Variants in MDFIC observed in about 807,000 individuals in gnomAD.
MDFIC encodes myoD family inhibitor domain-containing protein.
A neutral mutation model predicts 23.2 loss-of-function variants in MDFIC; 17 were observed. The ratio of observed to expected loss-of-function variants is 0.73; its 90% CI spans 0.50 to 1.10. MDFIC has a LOEUF of 1.10. MDFIC is among the 50% of genes least tolerant of loss of function. The pLI, the probability that MDFIC is intolerant of heterozygous loss-of-function variation, is 0.00. For missense variants in MDFIC, 356 were observed against 316.6 expected, an observed-to-expected ratio of 1.12 and a Z score of -0.95; for synonymous variants, 120 against 115.2, an observed-to-expected ratio of 1.04 and a Z score of -0.27.
chr7:114,960,291 A>G (rs1450945212), intron 3 of MDFIC, among the ~76,000 whole-genome samples: 1 of 152,234 alleles, frequency 6.6e-6, no homozygotes, highest in African/African-American at 2.4e-5. Context: ...GAAGAAGTAC[A>G]GGGCCATTGT....
intron 4 of MDFIC, among the ~76,000 whole-genome samples, chr7:115,013,740 CAACTG>C (rs1188918892): frequency 1.3e-5 from 2 of 152,112 alleles, no homozygotes; most frequent in African/African-American, 4.8e-5. Context: ...TGGAAAAACT[CAACTG>C]AAGAGAGTCA....
chr7:114,935,786 G>GA (rs776073198), intron 2 of MDFIC, among the ~76,000 whole-genome samples: 5 of 151,098 alleles, frequency 3.3e-5, no homozygotes, highest in Non-Finnish European at 7.4e-5. Flanking sequence ...TGTCTATAAG[G>GA]AAAAAAAATA....
intron 2 of MDFIC, among the ~76,000 whole-genome samples, chr7:114,927,801 C>T (rs1792225424): frequency 6.6e-6 from 1 of 152,012 alleles, no homozygotes; most frequent in African/African-American, 2.4e-5. Flanking sequence ...ATTTAGTTCC[C>T]TAATAAAAGT....
Position 115,018,169 on chromosome 7 carries a change from C to T in MDFIC, c.*2234C>T, listed in dbSNP as rs1214946245. On this transcript the variant is annotated 3_prime_UTR_variant, in exon 5 of 5. Coordinates refer to ENST00000393486, the MANE Select transcript of MDFIC (RefSeq NM_001166345.3). ...CATAAAATATAAGGAAATCTTTATACTATTTTACAGTAACCACAATCTAAA... is the reference window on the plus strand; with the variant it reads ...CATAAAATATAAGGAAATCTTTATATTATTTTACAGTAACCACAATCTAAA... 1 of 151,924 alleles carries T rather than the reference C, an allele frequency of 6.6e-6. No homozygotes were observed. Among genetic ancestry groups the T allele is most frequent in the East Asian group, 1.9e-4 (1 of 5,202 alleles). The allele number at this position is 151,924 out of a possible 1,614,324, so 9.4% of individuals were successfully genotyped here.
In MDFIC at chr7:115,019,867, C is replaced by G. The variant is rs887854812; in HGVS notation, c.*3932C>G. On this transcript the variant is annotated 3_prime_UTR_variant, in exon 5 of 5. Transcript: ENST00000393486. The stretch of plus-strand genomic sequence containing the variant: ...AAGCATTGGGTATTAAAAGAGAATC[C>G]TTTCAACCCTTCATCTTCGTATGCT... Among the ~76,000 whole-genome samples, 2 of 152,020 alleles carry G rather than the reference C, an allele frequency of 1.3e-5. No homozygotes were observed. The highest frequency in any genetic ancestry group is 2.9e-5 in the Non-Finnish European group (2 of 67,988).
intron 3 of MDFIC, among the ~76,000 whole-genome samples, chr7:114,966,516 A>G (rs1563144308): frequency 2.0e-5 from 3 of 152,190 alleles, no homozygotes; most frequent in Non-Finnish European, 4.4e-5. Flanking sequence ...TTGAAGCACC[A>G]ACCTGCACTT....
intron 4 of MDFIC, among the ~76,000 whole-genome samples, chr7:115,002,765 T>TCACTGCCCATCTTTTCATA (rs1001103002): frequency 6.6e-6 from 1 of 152,168 alleles, no homozygotes; most frequent in African/African-American, 2.4e-5. Context: ...ACACACCCCA[T>TCACTGCCCATCTTTTCATA]CACTGCCCAT....
intron 4 of MDFIC, among the ~76,000 whole-genome samples, chr7:115,010,551 T>C (rs1245590921): frequency 6.6e-6 from 1 of 152,202 alleles, no homozygotes; most frequent in East Asian, 1.9e-4. Flanking sequence ...TGTAGATACA[T>C]GTTGTTTAAT....
chr7:115,016,853 T>C lies in MDFIC; in HGVS notation c.*918T>C, dbSNP rs1791807575. 1 of 152,164 alleles carries C rather than the reference T, an allele frequency of 6.6e-6. No individual in the cohort carries two copies. The highest frequency in any genetic ancestry group is 1.5e-5 in the Non-Finnish European group (1 of 68,072). 9.4% of individuals were successfully genotyped at this position (152,164 alleles called of 1,614,324 possible). ...ACTGTGGGGACAGATACAATTCCAC[T>C]CCTGTCCACAGGAACATGAGATTTA... On this transcript the variant is annotated 3_prime_UTR_variant, in exon 5 of 5. Transcript: ENST00000393486.
At chr7:114,979,313 C>T (rs1468358254) in intron 3 of MDFIC, among the ~76,000 whole-genome samples, 193 bp from the exon 4 acceptor site, 1 of 152,114 alleles carries the variant, frequency 6.6e-6, no homozygotes, top group Non-Finnish European at 1.5e-5. Context: ...TGACCCCGTT[C>T]CCATTTTCCA....
chr7:114,952,051 C>T (rs1016692714), intron 3 of MDFIC, among the ~76,000 whole-genome samples: 1 of 152,192 alleles, frequency 6.6e-6, no homozygotes, highest in Non-Finnish European at 1.5e-5. Flanking sequence ...TGGCTGCAAG[C>T]ATTGAAGGAG....
rs1455958587 is a variant in MDFIC at position 114,922,325 on chromosome 7, A to C, written c.-419A>C. On this transcript the variant is annotated 5_prime_UTR_variant, in exon 1 of 5. It removes the in-frame stop codon of an upstream open reading frame in the 5' UTR. Transcript: ENST00000393486. ...AGAGGGAGAAGTGTTTCAGGATTGT[A>C]GGAGTGGAAGAGGGGAAAGAGAGGC... 2 of 998,716 alleles carry C rather than the reference A, an allele frequency of 2.0e-6. No individual in the cohort carries two copies. Among genetic ancestry groups the C allele is most frequent in the Non-Finnish European group, 2.6e-6 (2 of 775,584 alleles). The allele number at this position is 998,716 out of a possible 1,614,324, so 61.9% of individuals were successfully genotyped here.
In MDFIC at chr7:114,922,838, G is replaced by A. The variant is rs886846823; in HGVS notation, c.-107-89G>A. ...TCCCCGGGGTGGAGTTTGAGGGAGG[G>A]AAGTGGAGGGGGAGGGAACGTCCCG... On this transcript the variant is annotated intron_variant, in intron 1 of 4. Coordinates refer to ENST00000393486, the MANE Select transcript of MDFIC (RefSeq NM_001166345.3). 4.2e-5 allele frequency: 60 copies of A among 1,426,328 alleles called. 1 individual carries two copies. The East Asian group carries it at 1.3e-3, about 30-fold the overall frequency. The allele number at this position is 1,426,328 out of a possible 1,614,324, so 88.4% of individuals were successfully genotyped here.
At chr7:115,006,011 T>C (rs1030724772) in intron 4 of MDFIC, among the ~76,000 whole-genome samples, 1 of 152,214 alleles carries the variant, frequency 6.6e-6, no homozygotes, top group Non-Finnish European at 1.5e-5. Flanking sequence ...GCCTGGCCTG[T>C]TAGACCGCTG....
chr7:114,930,377 C>CT (rs1183508347), intron 2 of MDFIC, among the ~76,000 whole-genome samples: 19 of 152,158 alleles, frequency 1.2e-4, no homozygotes, highest in Non-Finnish European at 2.5e-4. Context: ...GTTAACCGGT[C>CT]TTGTATTCCA....
rs1360950680 is a variant in MDFIC, at chr7:114,991,006, A to G, written c.493+11225A>G. 2.6e-5 allele frequency among the ~76,000 whole-genome samples: 4 copies of G among 151,484 alleles called. No individual in the cohort carries two copies. The South Asian group carries it at 8.4e-4, about 32-fold the overall frequency. ...CCTATTTCTCCACATCCTCTCTAGC[A>G]CCTGTTGTTTCCTGACTTTTTAATG... is the stretch of plus-strand genomic sequence containing the variant. On this transcript the variant is annotated intron_variant, in intron 4 of 4. Coordinates refer to ENST00000393486, the MANE Select transcript of MDFIC (RefSeq NM_001166345.3).
intron 3 of MDFIC, among the ~76,000 whole-genome samples, chr7:114,976,813 A>T (rs1793325246): frequency 6.6e-6 from 1 of 152,268 alleles, no homozygotes; most frequent in African/African-American, 2.4e-5. Flanking sequence ...CAAGAACTGA[A>T]GTAAACAATG....
At chr7:114,962,954 T>C (rs561615578) in intron 3 of MDFIC, among the ~76,000 whole-genome samples, 1 of 152,346 alleles carries the variant, frequency 6.6e-6, no homozygotes, top group Non-Finnish European at 1.5e-5. Flanking sequence ...GAGAAATGAA[T>C]GTATGTGTTT....
At chr7:114,969,623 G>T (rs1793169188) in intron 3 of MDFIC, among the ~76,000 whole-genome samples, 1 of 152,150 alleles carries the variant, frequency 6.6e-6, no homozygotes, top group South Asian at 2.1e-4. Context: ...TATCTATACT[G>T]CTACCAGAAG....
Sources: allele counts gnomAD v4.1 joint callset (sites outside exome capture counted in the v4.1 genomes callset), GRCh38; gene constraint gnomAD v4.1.1; transcripts MANE v1.5; gene names NCBI Gene and HGNC (gene_info 2026-07-23, HGNC 2026-07-21).